The following TAOK3 variants were observed in gnomAD, a reference collection of about 807,000 sequenced individuals.
TAOK3 encodes the protein serine/threonine-protein kinase TAO3.
In TAOK3, 40 loss-of-function variants were observed where a neutral mutation model predicts 120.4. The ratio of observed to expected loss-of-function variants is 0.33; its 90% CI spans 0.26 to 0.43. The LOEUF is 0.43. TAOK3 is among the 20% of genes least tolerant of loss of function. TAOK3 has a pLI of 1.00. For missense variants in TAOK3, 821 were observed against 1,112.1 expected (o/e 0.74, Z 3.72); for synonymous variants, 355 against 387.5 (o/e 0.92, Z 0.99).
chr12:118,267,679 G>C (rs1301232315), intron 1 of TAOK3, among the ~76,000 whole-genome samples: 1 of 150,124 alleles, frequency 6.7e-6, no homozygotes, highest in African/African-American at 2.4e-5. Flanking sequence ...TAGGTCAGGA[G>C]TTCAAGACCA....
chr12:118,182,836 A>G (rs1162885374), intron 14 of TAOK3, among the ~76,000 whole-genome samples: 1 of 151,954 alleles, frequency 6.6e-6, no homozygotes, highest in African/African-American at 2.4e-5. Context: ...AAGCATTGCT[A>G]TGATTTTTGG....
chr12:118,250,574 GTTC>G (rs1475455517), intron 3 of TAOK3, among the ~76,000 whole-genome samples: 1 of 152,028 alleles, frequency 6.6e-6, no homozygotes, highest in African/African-American at 2.4e-5. Context: ...AGTTCTCAGA[GTTC>G]TTCATCATTC....
chr12:118,295,623 A>T (rs1206668369), intron 1 of TAOK3, among the ~76,000 whole-genome samples: 1 of 152,222 alleles, frequency 6.6e-6, no homozygotes, highest in Non-Finnish European at 1.5e-5. Context: ...TATGCTCCTT[A>T]GCACAAGGTT....
At chr12:118,342,133 A>T (rs1050917580) in intron 1 of TAOK3, among the ~76,000 whole-genome samples, 1 of 152,166 alleles carries the variant, frequency 6.6e-6, no homozygotes, top group Non-Finnish European at 1.5e-5. Flanking sequence ...ATTTGAAATT[A>T]ACTTGAAATC....
intron 1 of TAOK3, among the ~76,000 whole-genome samples, chr12:118,312,002 G>C (rs1465519266): frequency 6.6e-6 from 1 of 152,174 alleles, no homozygotes; most frequent in East Asian, 1.9e-4. Flanking sequence ...CGTGGTAAGG[G>C]ACATGGGTGG....
rs1284149651 is a variant in TAOK3, at chr12:118,372,474, C to G, written c.-194+174G>C. Among the ~76,000 whole-genome samples, 1 of 151,540 alleles carries G rather than the reference C, an allele frequency of 6.6e-6. No homozygotes were observed. The highest frequency in any genetic ancestry group is 6.6e-5 in the Admixed American group (1 of 15,254). On this transcript the variant is annotated intron_variant, in intron 1 of 20. Transcript: ENST00000392533. The surrounding 1 kb of genome is among the most constrained non-coding windows in gnomAD (Gnocchi z 4.6). ...CTCTCGGAGTCCTCTCCACTCAGAG[C>G]CACTGCCTCGGTCCCTCTCGGAGTC...
intron 17 of TAOK3, among the ~76,000 whole-genome samples, chr12:118,162,522 G>A (rs546660547): frequency 6.6e-6 from 1 of 152,252 alleles, no homozygotes; most frequent in Admixed American, 6.5e-5. Flanking sequence ...TCTCCAGGTG[G>A]TGCCAATAAG....
At chr12:118,265,038 GA>G (rs2041384417) in intron 2 of TAOK3, among the ~76,000 whole-genome samples, 2 of 151,534 alleles carry the variant, frequency 1.3e-5, no homozygotes, top group Non-Finnish European at 2.9e-5. Flanking sequence ...TGTCTCAAAA[GA>G]AAAAAATACA....
chr12:118,244,440 T>C (rs2040388686), intron 4 of TAOK3, among the ~76,000 whole-genome samples: 1 of 151,960 alleles, frequency 6.6e-6, no homozygotes, highest in African/African-American at 2.4e-5. Flanking sequence ...TATGAAAAAC[T>C]TCAGGAACTT....
chr12:118,340,476 G>A (rs1403708890), intron 1 of TAOK3, among the ~76,000 whole-genome samples: 2 of 152,082 alleles, frequency 1.3e-5, no homozygotes, highest in African/African-American at 4.8e-5. Context: ...AAAAGAAAAT[G>A]GGGTGGAATT....
In TAOK3 at chr12:118,350,737, G is replaced by A. The variant is rs185175966; in HGVS notation, c.-194+21911C>T. Among the ~76,000 whole-genome samples, 268 of 151,868 alleles carry A rather than the reference G, an allele frequency of 1.8e-3. 2 individuals carry two copies. Among genetic ancestry groups the A allele is most frequent in the South Asian group, 1.7e-3 (8 of 4,806 alleles). On this transcript the variant is annotated intron_variant, in intron 1 of 20. Coordinates refer to ENST00000392533, the MANE Select transcript of TAOK3 (RefSeq NM_016281.4). ...TAGCTGGGTATGGTGGTGGGCACCT[G>A]TAATCCCAGCTACTCGGGAGGCTGA... is the stretch of plus-strand genomic sequence containing the variant.
chr12:118,245,343 C>A (rs1023830722), intron 3 of TAOK3, among the ~76,000 whole-genome samples: 1 of 150,304 alleles, frequency 6.7e-6, no homozygotes, highest in African/African-American at 2.5e-5. Flanking sequence ...GAGAAAGAAT[C>A]GAGCTGTGTT....
chr12:118,305,463 ACT>A (rs1160924070), intron 1 of TAOK3, among the ~76,000 whole-genome samples: 1 of 151,958 alleles, frequency 6.6e-6, no homozygotes, highest in Non-Finnish European at 1.5e-5. Flanking sequence ...ACAAAGCAAG[ACT>A]CTGTCTCAAA....
At chr12:118,344,334 T>C (rs371681586) in intron 1 of TAOK3, among the ~76,000 whole-genome samples, 1 of 151,478 alleles carries the variant, frequency 6.6e-6, no homozygotes, top group Non-Finnish European at 1.5e-5. Flanking sequence ...AATTACAGAG[T>C]TGATTTGTTC....
chr12:118,266,350 G>A (rs946939795), intron 2 of TAOK3, among the ~76,000 whole-genome samples: 1 of 135,214 alleles, frequency 7.4e-6, no homozygotes, highest in Non-Finnish European at 1.6e-5. Context: ...GCGCCACCAC[G>A]CCCGGCTAAT....
At chr12:118,215,247 G>C (rs1381207842) in intron 9 of TAOK3, among the ~76,000 whole-genome samples, 2 of 136,442 alleles carry the variant, frequency 1.5e-5, no homozygotes, top group African/African-American at 5.3e-5. Flanking sequence ...TGTAATCCCA[G>C]CACTTTGGGA....
At chr12:118,239,312 A>G (rs906727428) in intron 5 of TAOK3, 40 bp from the exon 6 acceptor site, 1 of 1,258,352 alleles carries the variant, frequency 7.9e-7, no homozygotes, top group Non-Finnish European at 1.1e-6. Context: ...AATGAAAGTT[A>G]ATTTAAAAAC....
At chr12:118,314,327 T>C (rs2043371484) in intron 1 of TAOK3, among the ~76,000 whole-genome samples, 6 of 152,214 alleles carry the variant, frequency 3.9e-5, no homozygotes, top group Admixed American at 3.9e-4. Context: ...TTATTTTGCA[T>C]TTTAAAATAT....
At chr12:118,339,584 G>A (rs1174534104) in intron 1 of TAOK3, among the ~76,000 whole-genome samples, 2 of 143,066 alleles carry the variant, frequency 1.4e-5, no homozygotes, top group African/African-American at 2.6e-5. Context: ...TTTTTTTTTC[G>A]AGACGGGGTC....
Sources: allele counts gnomAD v4.1 joint callset (sites outside exome capture counted in the v4.1 genomes callset), GRCh38; gene constraint gnomAD v4.1.1; non-coding constraint Gnocchi (gnomAD v3.1); transcripts MANE v1.5; gene names NCBI Gene and HGNC (gene_info 2026-07-23, HGNC 2026-07-21).